The following NCKAP5 variants were observed in gnomAD, a reference collection of about 807,000 sequenced individuals.
NCKAP5 encodes the protein NCK associated protein 5, also known as nck-associated protein 5.
Under a neutral mutation model 167.0 loss-of-function variants are expected in NCKAP5, and 92 were observed. The observed-to-expected ratio is 0.55, with a 90% CI of 0.47 to 0.66. NCKAP5 has a LOEUF of 0.66. Among genes scored for constraint, NCKAP5 ranks in the 30% least tolerant of loss-of-function variants. The probability of loss-of-function intolerance (pLI) is 0.00; values close to 1 mark genes in which losing one functional copy is unlikely to be tolerated. For synonymous variants in NCKAP5, 891 were observed against 877.4 expected (o/e 1.02, Z -0.27); for missense variants, 2,378 against 2,315.0 (o/e 1.03, Z -0.56).
chr2:133,044,494 T>C (rs2079324307), intron 6 of NCKAP5, among the ~76,000 whole-genome samples: 2 of 152,136 alleles, frequency 1.3e-5, no homozygotes, highest in South Asian at 4.1e-4. Flanking sequence ...CAGCTCCATT[T>C]AATGTGTAAA....
chr2:133,590,008 C>G, the NCKAP5 span, among the ~76,000 whole-genome samples: 1 of 152,186 alleles, frequency 6.6e-6, no homozygotes, highest in Non-Finnish European at 1.5e-5. Flanking sequence ...CTTTGCCCTG[C>G]AGGAGACACA....
At position 132,871,524 on chromosome 2, in the gene NCKAP5, C is replaced by T. The variant is rs147445096; in HGVS notation, c.649-2550G>A. Among the ~76,000 whole-genome samples, 89 of 152,226 alleles carry T rather than the reference C, an allele frequency of 5.8e-4. 1 individual carries two copies. Among genetic ancestry groups the T allele is most frequent in the African/African-American group, 1.5e-3 (61 of 41,540 alleles). On this transcript the variant is annotated intron_variant, in intron 9 of 19. Coordinates refer to ENST00000409261, the MANE Select transcript of NCKAP5 (RefSeq NM_207363.3). Reference sequence around the variant, plus strand: ...TCTCTCACTGAAACCATTCTGGTAACGGTGGTCACATAAAATAGCTCTATC... The same window carrying T: ...TCTCTCACTGAAACCATTCTGGTAATGGTGGTCACATAAAATAGCTCTATC...
At chr2:133,413,009 T>C (rs988872539) in intron 3 of NCKAP5, among the ~76,000 whole-genome samples, 1 of 152,322 alleles carries the variant, frequency 6.6e-6, no homozygotes, top group Admixed American at 6.5e-5. Context: ...ATGAGAGTCC[T>C]GTGAGCCCAG....
intron 15 of NCKAP5, among the ~76,000 whole-genome samples, chr2:132,777,821 A>G (rs1311648828): frequency 6.6e-6 from 1 of 152,118 alleles, no homozygotes; most frequent in African/African-American, 2.4e-5. Context: ...TTAATGGGAT[A>G]GTATTTGATG....
At chr2:132,896,015 AC>A in intron 8 of NCKAP5, among the ~76,000 whole-genome samples, 1 of 151,988 alleles carries the variant, frequency 6.6e-6, no homozygotes, top group South Asian at 2.1e-4. Context: ...AGCACCTGTA[AC>A]CCCAGCTACT....
At chr2:132,883,569 T>C (rs1323162963) in intron 8 of NCKAP5, among the ~76,000 whole-genome samples, 1 of 152,176 alleles carries the variant, frequency 6.6e-6, no homozygotes, top group African/African-American at 2.4e-5. Context: ...GCTGCCTCTC[T>C]GAGACAGCCA....
In NCKAP5 at chr2:133,399,437, G is replaced by A. The variant is rs1301095668; in HGVS notation, c.70-96327C>T. 4.6e-5 allele frequency among the ~76,000 whole-genome samples: 7 copies of A among 151,788 alleles called. 1 individual carries two copies. In the South Asian group the frequency reaches 1.5e-3, roughly 32 times the overall value. On this transcript the variant is annotated intron_variant, in intron 3 of 19. Transcript: ENST00000409261. ...GCTGTCATTATAAAGTTGGAGGAAG[G>A]CCGGGAGGCAGTTGAAGGCAGGGAG... is the stretch of plus-strand genomic sequence containing the variant.
At chr2:133,550,782 C>T (rs1687222917) in intron 2 of NCKAP5, among the ~76,000 whole-genome samples, 1 of 134,480 alleles carries the variant, frequency 7.4e-6, no homozygotes, top group Admixed American at 7.7e-5. Flanking sequence ...AAAGGGTATT[C>T]AATTAGGAAA....
intron 3 of NCKAP5, among the ~76,000 whole-genome samples, chr2:133,426,323 A>G (rs575374936): frequency 3.9e-5 from 6 of 152,066 alleles, no homozygotes; most frequent in Non-Finnish European, 5.9e-5. Flanking sequence ...AGAACACCTC[A>G]TATCAAAACT....
intron 5 of NCKAP5, among the ~76,000 whole-genome samples, chr2:133,146,650 C>A (rs2083207820): frequency 6.6e-6 from 1 of 152,050 alleles, no homozygotes; most frequent in South Asian, 2.1e-4. Flanking sequence ...AGGTTGCCAC[C>A]AACATGCACC....
intron 16 of NCKAP5, among the ~76,000 whole-genome samples, chr2:132,736,555 C>T (rs942836293): frequency 1.3e-5 from 2 of 151,066 alleles, no homozygotes; most frequent in East Asian, 2.0e-4. Flanking sequence ...CCGAGGTGGG[C>T]GAATCAGGAT....
intron 4 of NCKAP5, among the ~76,000 whole-genome samples, chr2:133,249,349 C>T (rs2088180850): frequency 6.6e-6 from 1 of 152,082 alleles, no homozygotes; most frequent in African/African-American, 2.4e-5. Context: ...TGCCAGAGGC[C>T]AGAAACCAAG....
At chr2:133,094,909 G>C (rs2081298399) in intron 6 of NCKAP5, among the ~76,000 whole-genome samples, 1 of 152,092 alleles carries the variant, frequency 6.6e-6, no homozygotes, top group East Asian at 1.9e-4. Flanking sequence ...TAGAAGTTTA[G>C]AGTAGCCCCC....
intron 3 of NCKAP5, among the ~76,000 whole-genome samples, chr2:133,337,274 C>T (rs1490092657): frequency 6.6e-6 from 1 of 152,148 alleles, no homozygotes; most frequent in Non-Finnish European, 1.5e-5. Flanking sequence ...CTTTTCTGGC[C>T]TTGGAGTCCT....
At chr2:132,932,597 C>T (rs1574676774) in intron 8 of NCKAP5, among the ~76,000 whole-genome samples, 1 of 152,292 alleles carries the variant, frequency 6.6e-6, no homozygotes, top group South Asian at 2.1e-4. Flanking sequence ...GACAACTGCT[C>T]AGTAGAAGGC....
chr2:133,512,992 G>T (rs1487078935), intron 3 of NCKAP5, among the ~76,000 whole-genome samples: 1 of 152,068 alleles, frequency 6.6e-6, no homozygotes, highest in Non-Finnish European at 1.5e-5. Context: ...TGCTTATTAG[G>T]ACAGCTTCCC....
At chr2:133,401,859 T>C (rs1688122780) in intron 3 of NCKAP5, among the ~76,000 whole-genome samples, 1 of 152,178 alleles carries the variant, frequency 6.6e-6, no homozygotes, top group Non-Finnish European at 1.5e-5. Context: ...CTCCCTAGAA[T>C]GGCAATGAAG....
At chr2:132,954,684 C>T (rs775824677) in intron 8 of NCKAP5, 10 of 452,086 alleles carry the variant, frequency 2.2e-5, no homozygotes, top group Middle Eastern at 3.4e-4. Context: ...TTTCATATAT[C>T]CTAATTTGAT....
At chr2:132,687,732 C>CACACACAA (rs1686138913) in intron 19 of NCKAP5, among the ~76,000 whole-genome samples, 6 of 151,202 alleles carry the variant, frequency 4.0e-5, no homozygotes, top group Admixed American at 3.9e-4. Context: ...CACACACACA[C>CACACACAA]ACACACACAC....
Sources: allele counts gnomAD v4.1 joint callset (sites outside exome capture counted in the v4.1 genomes callset), GRCh38; gene constraint gnomAD v4.1.1; transcripts MANE v1.5; gene names NCBI Gene and HGNC (gene_info 2026-07-23, HGNC 2026-07-21).